MALRD1: variants seen among roughly 807,000 people sequenced by gnomAD.
MALRD1 encodes the protein MAM and LDL receptor class A domain containing 1, also known as MAM and LDL-receptor class A domain-containing protein 1.
MALRD1 carries 247 observed loss-of-function variants against 242.1 expected under a neutral mutation model. That is an observed-to-expected ratio of 1.02 (90% CI 0.92 to 1.13). The LOEUF (loss-of-function observed/expected upper bound fraction) is 1.13. Among genes scored for constraint, MALRD1 ranks in the 50% most tolerant of loss-of-function variants. MALRD1 has a pLI of 0.00. For missense variants in MALRD1, 2,989 were observed against 2,533.1 expected, an observed-to-expected ratio of 1.18 and a Z score of -3.86; for synonymous variants, 995 against 866.6, an observed-to-expected ratio of 1.15 and a Z score of -2.60.
chr10:19,450,512 C>G (rs1175303753), intron 29 of MALRD1, 22 bp downstream of exon 29: 1 of 1,530,132 alleles, frequency 6.5e-7, no homozygotes. Context: ...GAAAGCACTT[C>G]CATTTGGAAG....
chr10:19,667,008 C>A (rs1841708072), intron 36 of MALRD1, among the ~76,000 whole-genome samples: 1 of 152,136 alleles, frequency 6.6e-6, no homozygotes, highest in South Asian at 2.1e-4. Flanking sequence ...ACCTACACCT[C>A]ACACTGCTGG....
chr10:19,331,187 G>A lies in MALRD1; in HGVS notation c.3688-182G>A, dbSNP rs751993489. 2.8e-4 allele frequency among the ~76,000 whole-genome samples: 42 copies of A among 152,204 alleles called. 1 individual carries two copies. In the Middle Eastern group the frequency reaches 0.024, roughly 86 times the overall value. On this transcript the variant is annotated intron_variant, in intron 23 of 39. Coordinates refer to ENST00000454679, the MANE Select transcript of MALRD1 (RefSeq NM_001142308.3). ...TTCTTAGGTGTTGAGGATGACCTAG[G>A]TCTTAAATGGTCCTTAAATTTCCTG...
At chr10:19,302,526 C>A (rs1441020742) in intron 21 of MALRD1, among the ~76,000 whole-genome samples, 1 of 151,696 alleles carries the variant, frequency 6.6e-6, no homozygotes, top group Non-Finnish European at 1.5e-5. Context: ...GTGAAAGAAG[C>A]CAAATGCAAG....
chr10:19,561,671 G>A (rs961502733), intron 32 of MALRD1, among the ~76,000 whole-genome samples: 16 of 151,872 alleles, frequency 1.1e-4, no homozygotes, highest in African/African-American at 3.6e-4. Context: ...GTCTTTTAGC[G>A]AGACTGTGCC....
At chr10:19,169,765 T>A (rs1036462250) in intron 13 of MALRD1, among the ~76,000 whole-genome samples, 1 of 152,222 alleles carries the variant, frequency 6.6e-6, no homozygotes, top group Non-Finnish European at 1.5e-5. Context: ...GCTTTTTAAA[T>A]ATTCAAATAT....
At chr10:19,695,086 T>C (rs1401168763) in intron 38 of MALRD1, among the ~76,000 whole-genome samples, 1 of 151,846 alleles carries the variant, frequency 6.6e-6, no homozygotes, top group African/African-American at 2.4e-5. Context: ...GTGGGGCTAG[T>C]GGGGAGGCAT....
chr10:19,688,324 C>G (rs952653012), intron 36 of MALRD1, among the ~76,000 whole-genome samples: 1 of 152,060 alleles, frequency 6.6e-6, no homozygotes, highest in East Asian at 1.9e-4. Context: ...TGTTGGAATG[C>G]AGTGCATAGC....
In MALRD1 at chr10:19,280,084, G is replaced by A. The variant is rs905906440; in HGVS notation, c.3117G>A (p.Thr1039=). The change falls in exon 20 of 40, where the codon ACG becomes ACA. Residue 1039 remains threonine (T), a synonymous_variant. Transcript: ENST00000454679. Reference sequence around the variant, plus strand: ...CAGACCTCCCAACTCCACCAGAAACGTCAGTTCCTGTAACATTACCTCCAC... The same window carrying A: ...CAGACCTCCCAACTCCACCAGAAACATCAGTTCCTGTAACATTACCTCCAC... ...LPADLPTPPE[T]SVPVTLPPHN... 1.4e-5 allele frequency: 21 copies of A among 1,529,146 alleles called. No homozygotes were observed. Among genetic ancestry groups the A allele is most frequent in the East Asian group, 1.0e-4 (4 of 40,098 alleles). 94.7% of individuals were successfully genotyped at this position (1,529,146 alleles called of 1,614,324 possible).
chr10:19,196,838 T>C (rs1247779840), intron 14 of MALRD1, among the ~76,000 whole-genome samples: 4 of 152,182 alleles, frequency 2.6e-5, no homozygotes, highest in Non-Finnish European at 5.9e-5. Context: ...CTTCTGTTTT[T>C]CTCATACTAC....
intron 36 of MALRD1, among the ~76,000 whole-genome samples, chr10:19,675,920 G>A (rs886916239): frequency 1.3e-5 from 2 of 152,200 alleles, no homozygotes; most frequent in Non-Finnish European, 2.9e-5. Flanking sequence ...AAGATGGCAT[G>A]TCTAAAGCAC....
chr10:19,686,681 C>T (rs1842597530), intron 36 of MALRD1, among the ~76,000 whole-genome samples: 1 of 152,128 alleles, frequency 6.6e-6, no homozygotes, highest in Non-Finnish European at 1.5e-5. Context: ...GGAGGGGTGC[C>T]TTCTCCTGCC....
rs575294565 is a variant in MALRD1 at position 19,441,554 on chromosome 10, C to A, written c.4846-8753C>A. 1.1e-3 allele frequency among the ~76,000 whole-genome samples: 173 copies of A among 152,306 alleles called. 1 individual carries two copies. The highest frequency in any genetic ancestry group is 2.2e-3 in the Non-Finnish European group (153 of 68,030). On this transcript the variant is annotated intron_variant, in intron 28 of 39. Coordinates refer to ENST00000454679, the MANE Select transcript of MALRD1 (RefSeq NM_001142308.3). ...GAAGGGCTCCACTTTCAGCTTTCTA[C>A]ATATGGCTAGCCAGTTTCCCCAGCA... is the stretch of plus-strand genomic sequence containing the variant.
Position 19,088,151 on chromosome 10 carries a change from A to T in MALRD1, c.563A>T (p.Asn188Ile), listed in dbSNP as rs1056225754. Residue 188 changes from asparagine (N) to isoleucine (I), a missense_variant, in exon 4 of 40, where the codon AAT becomes ATT. Coordinates refer to ENST00000454679, the MANE Select transcript of MALRD1 (RefSeq NM_001142308.3). ...TAALPNQWER[N>I]VIKIQSSQRF... is the part of the protein sequence containing the mutation. ...GCACTCCCAAATCAGTGGGAGAGAA[A>T]TGTCATCAAAATCCAGAGTTCACAG... 19 of 1,233,344 alleles carry T rather than the reference A, an allele frequency of 1.5e-5. No individual in the cohort carries two copies. In the African/African-American group the frequency reaches 2.8e-4, roughly 18 times the overall value. 76.4% of individuals were successfully genotyped at this position (1,233,344 alleles called of 1,614,324 possible).
intron 36 of MALRD1, among the ~76,000 whole-genome samples, chr10:19,660,265 T>A (rs891007806): frequency 9.2e-5 from 14 of 152,142 alleles, no homozygotes; most frequent in African/African-American, 3.4e-4. Context: ...CAATATTGAT[T>A]TTAAGTTTTC....
chr10:19,181,226 A>G (rs1835488815), intron 14 of MALRD1, among the ~76,000 whole-genome samples: 1 of 152,190 alleles, frequency 6.6e-6, no homozygotes, highest in African/African-American at 2.4e-5. Context: ...CCCAGAAAAA[A>G]TGAAATTACC....
At chr10:19,148,796 T>A (rs886843372) in intron 11 of MALRD1, among the ~76,000 whole-genome samples, 6 of 139,210 alleles carry the variant, frequency 4.3e-5, no homozygotes, top group Non-Finnish European at 7.9e-5. Context: ...AAAATATATA[T>A]ATATATATAT....
intron 31 of MALRD1, among the ~76,000 whole-genome samples, chr10:19,507,172 C>A (rs1049502116): frequency 6.6e-5 from 10 of 152,044 alleles, no homozygotes; most frequent in Non-Finnish European, 1.3e-4. Flanking sequence ...GATCTTCCGC[C>A]ATGATCCAGT....
intron 34 of MALRD1, among the ~76,000 whole-genome samples, chr10:19,599,644 A>AATATTAAT (rs1282864960): frequency 6.6e-6 from 1 of 152,122 alleles, no homozygotes; most frequent in Non-Finnish European, 1.5e-5. Flanking sequence ...AGGTTGAAAA[A>AATATTAAT]ATATTAATAA....
chr10:19,488,193 G>C (rs879727012), intron 29 of MALRD1, among the ~76,000 whole-genome samples: 8 of 152,138 alleles, frequency 5.3e-5, no homozygotes, highest in Non-Finnish European at 1.2e-4. Flanking sequence ...TATAAGAATT[G>C]CTCTAAAAAT....
Sources: allele counts gnomAD v4.1 joint callset (sites outside exome capture counted in the v4.1 genomes callset), GRCh38; gene constraint gnomAD v4.1.1; transcripts MANE v1.5; gene names NCBI Gene and HGNC (gene_info 2026-07-23, HGNC 2026-07-21).